Variants in SIGLEC5 observed in about 807,000 individuals in gnomAD.
The protein encoded by SIGLEC5 is sialic acid-binding Ig-like lectin 5.
Under a neutral mutation model 45.9 loss-of-function variants are expected in SIGLEC5, and 34 were observed. The ratio of observed to expected loss-of-function variants is 0.74; its 90% confidence interval spans 0.56 to 0.99. The LOEUF (loss-of-function observed/expected upper bound fraction) is 0.99. Among genes scored for constraint, SIGLEC5 ranks in the 50% least tolerant of loss-of-function variants. The probability of loss-of-function intolerance (pLI) is 0.00; values close to 1 mark genes in which losing one functional copy is unlikely to be tolerated. For synonymous variants in SIGLEC5, 203 were observed against 258.6 expected (o/e 0.79, Z 2.06); for missense variants, 508 against 629.6 (o/e 0.81, Z 2.07).
rs574831178 is a variant in SIGLEC5 at position 51,627,722 on chromosome 19, G to C, written c.1022C>G (p.Ser341Cys). ...CAGACCCTCAGCCTCCCAGGAGCAG[G>C]AGGGGCCCAGCAACTGTGGGAGGGC... ...VYSLPQLLGPSCSWEAEGLHC... is the reference protein window; with the variant it reads ...VYSLPQLLGPCCSWEAEGLHC... The change falls in exon 6 of 9, where the codon TCC becomes TGC. Residue 341 changes from serine to cysteine, a missense_variant. Around this residue, in one of 2 missense-constraint regions of SIGLEC5, gnomAD observed 431 missense variants for 428.8 expected, o/e 1.01. Coordinates refer to ENST00000683636, the MANE Select transcript of SIGLEC5 (RefSeq NM_003830.4). 2.3e-4 allele frequency: 372 copies of C among 1,592,318 alleles called. No individual in the cohort carries two copies. Among genetic ancestry groups the C allele is most frequent in the Non-Finnish European group, 3.1e-4 (365 of 1,167,376 alleles).
rs780643729 is a variant in SIGLEC5 at position 51,626,148 on chromosome 19, C to G, written c.1383-35G>C. On this transcript the variant is annotated intron_variant, in intron 7 of 8. Coordinates refer to ENST00000683636, the MANE Select transcript of SIGLEC5 (RefSeq NM_003830.4). ...GAAACCAGCACAGTGCAGCTGGGACCACCCAGGCACGGGTTAGCGGGTTGT... is the reference window on the plus strand; with the variant it reads ...GAAACCAGCACAGTGCAGCTGGGACGACCCAGGCACGGGTTAGCGGGTTGT... 7.7e-6 allele frequency: 12 copies of G among 1,566,042 alleles called. No individual in the cohort carries two copies. The South Asian group carries it at 1.2e-4, about 16-fold the overall frequency.
At position 51,611,515 on chromosome 19, in the gene SIGLEC5, CAG is replaced by C. The variant is rs573699549; in HGVS notation, c.*714_*715del. Among the ~76,000 whole-genome samples, 81 of 152,252 alleles carry C rather than the reference CAG, an allele frequency of 5.3e-4. No homozygotes were observed. Among genetic ancestry groups the C allele is most frequent in the Middle Eastern group, 6.8e-3 (2 of 294 alleles). On this transcript the variant is annotated 3_prime_UTR_variant, in exon 9 of 9. Transcript: ENST00000683636. Reference sequence around the variant, plus strand: ...GGAGATCATGAAGGACTTTATGTGTCAGGGGAGATGCTTGTGATATATTGTCT... The same window carrying C: ...GGAGATCATGAAGGACTTTATGTGTCGGGAGATGCTTGTGATATATTGTCT...
intron 8 of SIGLEC5, among the ~76,000 whole-genome samples, chr19:51,622,329 C>T (rs1348139752): frequency 7.3e-5 from 11 of 149,724 alleles, no homozygotes; most frequent in African/African-American, 2.5e-4. Context: ...TTAGTAAAGA[C>T]GGGGTTTCAC....
At position 51,627,872 on chromosome 19, in the gene SIGLEC5, AGC is replaced by A. The variant is rs775777383; in HGVS notation, c.957_958del (p.Leu320GlyfsTer27). 14 of 1,611,134 alleles carry A rather than the reference AGC, an allele frequency of 8.7e-6. No homozygotes were observed. In the South Asian group the frequency reaches 1.5e-4, roughly 18 times the overall value. On this transcript the variant is annotated frameshift_variant, in exon 5 of 9. Coordinates refer to ENST00000683636, the MANE Select transcript of SIGLEC5 (RefSeq NM_003830.4). LOFTEE classifies it high-confidence loss of function. ...ATTCAGAAAAATTTGCAGGAAGCCCAGCGGGTGCTGAGCGCGGCAGGTGAAGC... is the reference window on the plus strand; with the variant it reads ...ATTCAGAAAAATTTGCAGGAAGCCCAGGGTGCTGAGCGCGGCAGGTGAAGC...
At position 51,628,030 on chromosome 19, in the gene SIGLEC5, C is replaced by T; in HGVS notation, c.801G>A (p.Leu267=). 6.2e-7 allele frequency: 1 copy of T among 1,601,872 alleles called. No homozygotes were observed. The highest frequency in any genetic ancestry group is 8.5e-7 in the Non-Finnish European group (1 of 1,173,700). The change falls in exon 5 of 9, where the codon CTG becomes CTA. Residue 267 remains leucine, a synonymous_variant. Transcript: ENST00000683636. ...GGGGGTTGCTGGGAGCATCACAGAG[C>T]AGCCGCAGAGCCTGGCCCTCCAGGA... ...LPVLEGQALR[L]LCDAPSNPPA... is the part of the protein sequence containing the mutation.
chr19:51,614,898 A>T (rs1982996193), intron 8 of SIGLEC5, among the ~76,000 whole-genome samples: 1 of 152,222 alleles, frequency 6.6e-6, no homozygotes, highest in Non-Finnish European at 1.5e-5. Context: ...CCACTTTACT[A>T]AGCACTCCTT....
At position 51,627,673 on chromosome 19, in the gene SIGLEC5, G is replaced by T. The variant is rs770315173; in HGVS notation, c.1071C>A (p.Ala357=). Residue 357 remains alanine, a synonymous_variant, in exon 6 of 9, where the codon GCC becomes GCA. Coordinates refer to ENST00000683636, the MANE Select transcript of SIGLEC5 (RefSeq NM_003830.4). ...EGLHCRCSFR[A]RPAPSLCWRL... ...GCCAGCACAGGGAGGGGGCCGGCCG[G>T]GCTCGAAAGGAGCATCTGCAGTGCA... is the stretch of plus-strand genomic sequence containing the variant. The T allele has an allele frequency of 6.2e-7, 1 of 1,610,286 alleles. No homozygotes were observed.
At position 51,625,812 on chromosome 19, in the gene SIGLEC5, A is replaced by G. The variant is rs533139383; in HGVS notation, c.1464+220T>C. 8.5e-5 allele frequency among the ~76,000 whole-genome samples: 13 copies of G among 152,270 alleles called. No individual in the cohort carries two copies. In the East Asian group the frequency reaches 2.5e-3, roughly 29 times the overall value. On this transcript the variant is annotated intron_variant, in intron 8 of 8. Transcript: ENST00000683636. ...ACCATTGCACTCCAGCCTGGGTAAC[A>G]AGAGTGAAACTCCATCTCAAAAACA...
chr19:51,628,112 G>A, intron 4 of SIGLEC5, 21 bp from the exon 5 acceptor site: 3 of 1,502,104 alleles, frequency 2.0e-6, no homozygotes, highest in Non-Finnish European at 2.7e-6. Flanking sequence ...AGAAGGGTGG[G>A]GAAAGAGAGA....
intron 8 of SIGLEC5, among the ~76,000 whole-genome samples, chr19:51,613,828 G>A (rs1208822032): frequency 6.6e-6 from 1 of 152,010 alleles, no homozygotes; most frequent in Non-Finnish European, 1.5e-5. Flanking sequence ...CCCTGTTTCA[G>A]GTTCTGGGCA....
At position 51,629,035 on chromosome 19, in the gene SIGLEC5, T is replaced by C; in HGVS notation, c.739+3A>G. ...CCAGCTTCAGAGAGGAGGTCTTTCCTACCTATGCCGTTCCTGAAGATGGTG... is the reference window on the plus strand; with the variant it reads ...CCAGCTTCAGAGAGGAGGTCTTTCCCACCTATGCCGTTCCTGAAGATGGTG... On this transcript the variant is annotated splice_donor_region_variant and intron_variant, in intron 4 of 8. Coordinates refer to ENST00000683636, the MANE Select transcript of SIGLEC5 (RefSeq NM_003830.4). 1 of 1,613,706 alleles carries C rather than the reference T, an allele frequency of 6.2e-7. No individual in the cohort carries two copies. Among genetic ancestry groups the C allele is most frequent in the Non-Finnish European group, 8.5e-7 (1 of 1,179,728 alleles).
At chr19:51,620,347 C>T (rs1474289731) in intron 8 of SIGLEC5, among the ~76,000 whole-genome samples, 1 of 152,032 alleles carries the variant, frequency 6.6e-6, no homozygotes, top group Non-Finnish European at 1.5e-5. Context: ...TGTATTTGAC[C>T]ATGCATATAG....
At chr19:51,613,568 C>T (rs983001452) in intron 8 of SIGLEC5, among the ~76,000 whole-genome samples, 5 of 152,070 alleles carry the variant, frequency 3.3e-5, no homozygotes, top group African/African-American at 7.2e-5. Context: ...TGTCCATATA[C>T]ATTTCCTGTG....
rs1425221520 is a variant in SIGLEC5 at position 51,627,711 on chromosome 19, C to T, written c.1033G>A (p.Glu345Lys). ...PQLLGPSCSW[E>K]AEGLHCRCSF... Reference sequence around the variant, plus strand: ...CATCTGCAGTGCAGACCCTCAGCCTCCCAGGAGCAGGAGGGGCCCAGCAAC... The same window carrying T: ...CATCTGCAGTGCAGACCCTCAGCCTTCCAGGAGCAGGAGGGGCCCAGCAAC... Residue 345 changes from glutamate (E) to lysine (K), a missense_variant, in exon 6 of 9, where the codon GAG (glutamate) becomes AAG (lysine). Transcript: ENST00000683636. 4 of 1,599,148 alleles carry T rather than the reference C, an allele frequency of 2.5e-6. No homozygotes were observed. The highest frequency in any genetic ancestry group is 2.2e-5 in the East Asian group (1 of 44,644).
intron 8 of SIGLEC5, among the ~76,000 whole-genome samples, chr19:51,618,978 A>G (rs1465671882): frequency 6.6e-6 from 1 of 152,242 alleles, no homozygotes; most frequent in Non-Finnish European, 1.5e-5. Context: ...ATACATTATC[A>G]TAATGTAAGA....
intron 8 of SIGLEC5, among the ~76,000 whole-genome samples, chr19:51,618,198 G>A (rs1177122936): frequency 6.6e-6 from 1 of 151,896 alleles, no homozygotes; most frequent in Non-Finnish European, 1.5e-5. Context: ...ATCCACATAT[G>A]TCAGTAACCA....
Position 51,629,390 on chromosome 19 carries a change from G to A in SIGLEC5, c.668C>T (p.Thr223Ile). ...ATTGAGCTGGACAGTTCTCTCCGTG[G>A]TCACCTGAGCTCCTTGGCGTTTCAT... is the stretch of plus-strand genomic sequence containing the variant. Reference protein sequence around the residue: ...CQMKRQGAQVTTERTVQLNVS... With the variant: ...CQMKRQGAQVITERTVQLNVS... Residue 223 changes from threonine to isoleucine, a missense_variant, in exon 3 of 9, where the codon ACC (threonine) becomes ATC (isoleucine). Around this residue, in one of 2 missense-constraint regions of SIGLEC5, gnomAD observed 431 missense variants for 428.8 expected, o/e 1.01. Coordinates refer to ENST00000683636, the MANE Select transcript of SIGLEC5 (RefSeq NM_003830.4). 1 of 1,613,786 alleles carries A rather than the reference G, an allele frequency of 6.2e-7. No individual in the cohort carries two copies. The highest frequency in any genetic ancestry group is 8.5e-7 in the Non-Finnish European group (1 of 1,180,014).
intron 8 of SIGLEC5, among the ~76,000 whole-genome samples, chr19:51,614,144 G>T (rs1982963033): frequency 6.6e-6 from 1 of 152,126 alleles, no homozygotes. Context: ...TCAAACAGTA[G>T]CTCAGAAGTT....
In SIGLEC5 at chr19:51,612,394, C is replaced by A; in HGVS notation, c.1493G>T (p.Ser498Ile). The A allele has an allele frequency of 6.2e-7, 1 of 1,612,076 alleles. No homozygotes were observed. The highest frequency in any genetic ancestry group is 2.2e-5 in the East Asian group (1 of 44,766). Residue 498 changes from serine (S) to isoleucine (I), a missense_variant, in exon 9 of 9, where the codon AGC (serine) becomes ATC (isoleucine). Ser to Ile is a moderately radical substitution (Grantham distance 142, BLOSUM62 -2). Around this residue, in one of 2 missense-constraint regions of SIGLEC5, gnomAD observed 431 missense variants for 428.8 expected, o/e 1.01. Coordinates refer to ENST00000683636, the MANE Select transcript of SIGLEC5 (RefSeq NM_003830.4). Reference sequence around the variant, plus strand: ...AGGAGGAGATGCTTGATCTCCGGGGCTGTCTGGCCAGGGCTTCTTCCTGGA... The same window carrying A: ...AGGAGGAGATGCTTGATCTCCGGGGATGTCTGGCCAGGGCTTCTTCCTGGA... The part of the protein sequence containing the change: ...SGSRKKPWPD[S>I]PGDQASPPGD...
Sources: allele counts gnomAD v4.1 joint callset (sites outside exome capture counted in the v4.1 genomes callset), GRCh38; gene constraint gnomAD v4.1.1; regional missense constraint gnomAD v4.1.1; transcripts MANE v1.5; gene names NCBI Gene and HGNC (gene_info 2026-07-23, HGNC 2026-07-21).